Variants in ERBB4 observed in about 807,000 individuals in gnomAD.
ERBB4 encodes receptor tyrosine-protein kinase erbB-4.
A neutral mutation model predicts 158.0 loss-of-function variants in ERBB4; 42 were observed. The ratio of observed to expected loss-of-function variants is 0.27; its 90% CI spans 0.21 to 0.34. The LOEUF (loss-of-function observed/expected upper bound fraction) is 0.34, where lower values mean the gene tolerates loss of function less well. Ranked by LOEUF, ERBB4 falls within the 10% of genes least tolerant of loss-of-function variation. ERBB4 has a pLI of 1.00. For missense variants in ERBB4, 1,333 were observed against 1,624.1 expected (o/e 0.82, Z 3.08); for synonymous variants, 583 against 558.7 (o/e 1.04, Z -0.61).
intron 13 of ERBB4, among the ~76,000 whole-genome samples, chr2:211,676,732 T>C (rs2072089604): frequency 6.6e-6 from 1 of 152,196 alleles, no homozygotes; most frequent in South Asian, 2.1e-4. Context: ...ATTTCCTCTT[T>C]AGTATTGCAC....
chr2:212,344,769 A>G (rs1256900684), intron 1 of ERBB4, among the ~76,000 whole-genome samples: 1 of 152,156 alleles, frequency 6.6e-6, no homozygotes, highest in Non-Finnish European at 1.5e-5. Flanking sequence ...AGAACAGTAG[A>G]GTGTCTAAGA....
intron 25 of ERBB4, among the ~76,000 whole-genome samples, chr2:211,410,497 A>G (rs1021589576): frequency 6.6e-6 from 1 of 152,202 alleles, no homozygotes; most frequent in Non-Finnish European, 1.5e-5. Flanking sequence ...CATTTATTAC[A>G]AGAGAAAATG....
At chr2:211,970,860 C>A in intron 2 of ERBB4, among the ~76,000 whole-genome samples, 1 of 152,058 alleles carries the variant, frequency 6.6e-6, no homozygotes, top group Non-Finnish European at 1.5e-5. Flanking sequence ...TTAATTGGGG[C>A]ATTTAGCCTA....
rs571297914 is a variant in ERBB4 at position 211,710,641 on chromosome 2, C to A, written c.1124+1409G>T. Among the ~76,000 whole-genome samples, 247 of 152,166 alleles carry A rather than the reference C, an allele frequency of 1.6e-3. 1 individual carries two copies. The highest frequency in any genetic ancestry group is 5.6e-3 in the African/African-American group (234 of 41,504). ...TATTGAATTGTAGCTCCTACAATTC[C>A]CACGTGTTGTGGGAGGGACCCAGTG... is the stretch of plus-strand genomic sequence containing the variant. On this transcript the variant is annotated intron_variant, in intron 9 of 27. Coordinates refer to ENST00000342788, the MANE Select transcript of ERBB4 (RefSeq NM_005235.3).
intron 1 of ERBB4, among the ~76,000 whole-genome samples, chr2:212,481,250 C>A (rs1354623249): frequency 6.6e-6 from 1 of 151,986 alleles, no homozygotes; most frequent in Non-Finnish European, 1.5e-5. Flanking sequence ...CATACACACA[C>A]ATACATGACT....
At chr2:212,489,456 C>G (rs1439716882) in intron 1 of ERBB4, among the ~76,000 whole-genome samples, 1 of 151,934 alleles carries the variant, frequency 6.6e-6, no homozygotes, top group Non-Finnish European at 1.5e-5. Flanking sequence ...AACTCTGAGC[C>G]ATAAAATTAA....
intron 2 of ERBB4, among the ~76,000 whole-genome samples, chr2:212,003,112 A>AGAAAGAAAGAAAGAAAGAAAGAAG (rs2076147924): frequency 2.1e-5 from 1 of 48,146 alleles, no homozygotes; most frequent in Non-Finnish European, 4.0e-5. Context: ...AAAGAAAGAA[A>AGAAAGAAAGAAAGAAAGAAAGAAG]GAAGGAAGGA....
chr2:212,179,163 A>T (rs1339309778), intron 1 of ERBB4, among the ~76,000 whole-genome samples: 2 of 151,624 alleles, frequency 1.3e-5, no homozygotes, highest in African/African-American at 4.8e-5. Context: ...AAATAAATCT[A>T]AAGACAAAAT....
At chr2:211,406,162 C>T (rs187102398) in intron 25 of ERBB4, among the ~76,000 whole-genome samples, 107 of 152,310 alleles carry the variant, frequency 7.0e-4, no homozygotes, top group African/African-American at 2.2e-3. Context: ...GATCCCTTAA[C>T]GTATTCTCTT....
intron 2 of ERBB4, among the ~76,000 whole-genome samples, chr2:212,040,657 G>T (rs147533834): frequency 1.1e-4 from 17 of 152,004 alleles, no homozygotes; most frequent in Admixed American, 1.1e-3. Flanking sequence ...TCCGGTAAGT[G>T]TTTATCATAA....
intron 1 of ERBB4, among the ~76,000 whole-genome samples, chr2:212,473,659 CTTAAA>C (rs766573290): frequency 2.0e-5 from 3 of 151,988 alleles, no homozygotes; most frequent in African/African-American, 4.8e-5. Flanking sequence ...TACTGGTTAC[CTTAAA>C]TAATTATCCA....
chr2:212,324,202 T>C (rs1341215350), intron 1 of ERBB4, among the ~76,000 whole-genome samples: 1 of 150,628 alleles, frequency 6.6e-6, no homozygotes, highest in East Asian at 1.9e-4. Flanking sequence ...AAAGTGTTAA[T>C]GGCAGGTAAC....
chr2:211,706,245 T>G (rs1326454657), intron 9 of ERBB4, among the ~76,000 whole-genome samples: 1 of 152,216 alleles, frequency 6.6e-6, no homozygotes, highest in Non-Finnish European at 1.5e-5. Flanking sequence ...AGTATGTATC[T>G]ACCTGTAGCA....
chr2:212,418,864 T>C (rs2091723254), intron 1 of ERBB4, among the ~76,000 whole-genome samples: 1 of 151,900 alleles, frequency 6.6e-6, no homozygotes, highest in South Asian at 2.1e-4. Context: ...TGAAGTGTTT[T>C]AACCATTCAT....
At chr2:212,404,550 A>G (rs529974123) in intron 1 of ERBB4, among the ~76,000 whole-genome samples, 1 of 152,256 alleles carries the variant, frequency 6.6e-6, no homozygotes, top group Non-Finnish European at 1.5e-5. Flanking sequence ...TAAAAAGTAA[A>G]ATACAGAACA....
intron 1 of ERBB4, among the ~76,000 whole-genome samples, chr2:212,505,463 A>C: frequency 8.0e-6 from 1 of 124,306 alleles, no homozygotes; most frequent in Non-Finnish European, 2.0e-5. Flanking sequence ...TCATATGTGT[A>C]AAAACTCTTT....
intron 1 of ERBB4, among the ~76,000 whole-genome samples, chr2:212,382,120 T>C (rs754307994): frequency 3.7e-4 from 56 of 150,486 alleles, no homozygotes; most frequent in Admixed American, 2.1e-3. Context: ...TACACACACA[T>C]ACATATACAC....
intron 3 of ERBB4, among the ~76,000 whole-genome samples, chr2:211,879,818 T>G (rs2078613003): frequency 6.6e-6 from 1 of 152,010 alleles, no homozygotes; most frequent in Non-Finnish European, 1.5e-5. Flanking sequence ...AAGGGGAGCA[T>G]ATGATATTAT....
At chr2:212,361,972 C>A (rs2089703755) in intron 1 of ERBB4, among the ~76,000 whole-genome samples, 2 of 151,436 alleles carry the variant, frequency 1.3e-5, no homozygotes, top group South Asian at 4.2e-4. Context: ...AGGTTATATC[C>A]ATTTAAAGCA....
Sources: gnomAD v4.1 joint callset for allele counts (sites outside exome capture counted in the v4.1 genomes callset) on GRCh38, gnomAD v4.1.1 for gene constraint, MANE v1.5 for transcripts, NCBI Gene and HGNC (gene_info 2026-07-23, HGNC 2026-07-21) for gene names.